ZC3H12B: variants seen among roughly 807,000 people sequenced by gnomAD.
ZC3H12B encodes the protein probable ribonuclease ZC3H12B.
A neutral mutation model predicts 43.9 loss-of-function variants in ZC3H12B; 7 were observed. The observed-to-expected ratio is 0.16, with a 90% confidence interval of 0.09 to 0.30. The LOEUF is 0.30. ZC3H12B is among the 10% of genes least tolerant of loss of function. The pLI, the probability that ZC3H12B is intolerant of heterozygous loss-of-function variation, is 1.00. For missense variants in ZC3H12B, 475 were observed against 670.2 expected (o/e 0.71, Z 3.22); for synonymous variants, 222 against 241.7 (o/e 0.92, Z 0.76).
the ZC3H12B span, among the ~76,000 whole-genome samples, chrX:65,129,212 A>T: frequency 9.9e-5 from 10 of 100,610 alleles, no homozygotes; most frequent in South Asian, 4.1e-3. Flanking sequence ...ATCTCTTTGT[A>T]TATCAATTTT....
chrX:65,377,489 T>A (rs1293344969), intron 2 of ZC3H12B, among the ~76,000 whole-genome samples: 2 of 109,315 alleles, frequency 1.8e-5, no homozygotes, highest in African/African-American at 6.7e-5. Flanking sequence ...CTTCCAAAGG[T>A]CAAGAGTAAA....
chrX:65,413,316 A>AT (rs1045044927), intron 3 of ZC3H12B, among the ~76,000 whole-genome samples: 2 of 111,127 alleles, frequency 1.8e-5, no homozygotes, highest in African/African-American at 6.5e-5. Flanking sequence ...GGTCTAATTT[A>AT]TTTTTTTGTT....
chrX:65,297,631 G>T, the ZC3H12B span, among the ~76,000 whole-genome samples: 1 of 110,098 alleles, frequency 9.1e-6, no homozygotes, highest in African/African-American at 3.3e-5. Context: ...ATTCCTCATA[G>T]AACTAGAAAA....
the ZC3H12B span, among the ~76,000 whole-genome samples, chrX:65,190,038 C>A: frequency 1.8e-5 from 2 of 111,531 alleles, no homozygotes; most frequent in Admixed American, 9.5e-5. Flanking sequence ...TCCCCAGCAC[C>A]ATTTATTAAA....
the ZC3H12B span, among the ~76,000 whole-genome samples, chrX:65,167,453 G>C: frequency 2.7e-5 from 3 of 111,774 alleles, no homozygotes. Context: ...TAGCCTTGTA[G>C]TGTAGTTTGA....
the ZC3H12B span, among the ~76,000 whole-genome samples, chrX:65,326,559 C>A: frequency 2.8e-5 from 3 of 108,151 alleles, no homozygotes; most frequent in African/African-American, 1.0e-4. Context: ...CAAATATATG[C>A]TTGGATAGAA....
At chrX:65,373,268 T>G (rs2066272631) in intron 2 of ZC3H12B, among the ~76,000 whole-genome samples, 1 of 111,712 alleles carries the variant, frequency 9.0e-6, no homozygotes, top group Admixed American at 9.5e-5. Context: ...TGTGGAGAAA[T>G]AGGAATACTT....
chrX:65,205,975 T>C, the ZC3H12B span, among the ~76,000 whole-genome samples: 2 of 111,594 alleles, frequency 1.8e-5, no homozygotes, highest in Non-Finnish European at 3.8e-5. Context: ...GAAAGACCTT[T>C]ACAAGGAAAA....
the ZC3H12B span, among the ~76,000 whole-genome samples, chrX:65,098,438 CAAG>C: frequency 1.8e-5 from 2 of 110,880 alleles, no homozygotes; most frequent in African/African-American, 6.6e-5. Flanking sequence ...CCAAAGAATA[CAAG>C]AACAGGGGGA....
At chrX:65,126,695 C>CT in the ZC3H12B span, among the ~76,000 whole-genome samples, 4 of 95,543 alleles carry the variant, frequency 4.2e-5, no homozygotes, top group Non-Finnish European at 2.0e-5. Context: ...TTTTTTTTTA[C>CT]TTTTTTTTTC....
the ZC3H12B span, among the ~76,000 whole-genome samples, chrX:65,145,686 G>A: frequency 1.8e-5 from 2 of 111,307 alleles, no homozygotes; most frequent in Non-Finnish European, 3.8e-5. Context: ...TGGTAGTGCT[G>A]AATTCTCTTA....
the ZC3H12B span, among the ~76,000 whole-genome samples, chrX:65,279,411 A>G: frequency 4.7e-5 from 5 of 107,127 alleles, no homozygotes; most frequent in South Asian, 4.0e-4. Flanking sequence ...AGCTTTTTTC[A>G]TATGATTGTT....
chrX:65,171,036 C>T, the ZC3H12B span, among the ~76,000 whole-genome samples: 1 of 112,066 alleles, frequency 8.9e-6, no homozygotes, highest in Non-Finnish European at 1.9e-5. Flanking sequence ...GCCTTCTTCT[C>T]TCAACTTGTC....
the ZC3H12B span, among the ~76,000 whole-genome samples, chrX:65,096,264 G>T: frequency 2.7e-5 from 3 of 110,097 alleles, no homozygotes; most frequent in Non-Finnish European, 3.8e-5. Flanking sequence ...GCTAATGCAT[G>T]CTGGGCTTAA....
chrX:65,292,317 G>A, the ZC3H12B span, among the ~76,000 whole-genome samples: 1 of 112,105 alleles, frequency 8.9e-6, no homozygotes. Flanking sequence ...ATGAGATCAT[G>A]TCCTTTACAG....
At chrX:65,350,732 A>T in the ZC3H12B span, among the ~76,000 whole-genome samples, 2 of 111,737 alleles carry the variant, frequency 1.8e-5, no homozygotes, top group African/African-American at 6.5e-5. Context: ...GCTACTAAGA[A>T]TATAAAATAC....
intron 3 of ZC3H12B, among the ~76,000 whole-genome samples, chrX:65,462,152 C>T (rs976517228): frequency 9.0e-6 from 1 of 111,068 alleles, no homozygotes; most frequent in African/African-American, 3.3e-5. Flanking sequence ...TAATAAAATG[C>T]CACCAAGAGC....
the ZC3H12B span, among the ~76,000 whole-genome samples, chrX:65,334,100 C>G: frequency 8.9e-6 from 1 of 111,849 alleles, no homozygotes; most frequent in Non-Finnish European, 1.9e-5. Flanking sequence ...TTAATAAAAC[C>G]TTATAGACAA....
chrX:65,168,100 C>T, the ZC3H12B span, among the ~76,000 whole-genome samples: 1 of 111,673 alleles, frequency 9.0e-6, no homozygotes, highest in East Asian at 2.8e-4. Flanking sequence ...GAGAGGACAT[C>T]CCTGTCTTGT....
Sources: allele counts gnomAD v4.1 joint callset (sites outside exome capture counted in the v4.1 genomes callset), GRCh38; gene constraint gnomAD v4.1.1; transcripts MANE v1.5; gene names NCBI Gene and HGNC (gene_info 2026-07-23, HGNC 2026-07-21).